Variants in MUC7 observed in about 807,000 individuals in gnomAD.
MUC7 encodes the protein mucin-7.
In MUC7, 2 loss-of-function variants were observed where a neutral mutation model predicts 2.5. That is an observed-to-expected ratio of 0.81 (90% CI 0.33 to 2.55). MUC7 has a LOEUF of 2.55. MUC7 is among the 30% of genes most tolerant of loss of function. The probability of loss-of-function intolerance (pLI) is 0.11; values close to 1 mark genes in which losing one functional copy is unlikely to be tolerated. For synonymous variants in MUC7, 133 were observed against 173.4 expected, an observed-to-expected ratio of 0.77 and a Z score of 1.83; for missense variants, 408 against 455.6, an observed-to-expected ratio of 0.90 and a Z score of 0.95.
At chr4:70,464,837 C>A (rs1291247166) in intron 1 of MUC7, among the ~76,000 whole-genome samples, 1 of 152,216 alleles carries the variant, frequency 6.6e-6, no homozygotes, top group East Asian at 1.9e-4. Flanking sequence ...CTGACTTAAA[C>A]CTTCCCGCCT....
intron 1 of MUC7, among the ~76,000 whole-genome samples, chr4:70,449,731 G>C (rs1351465931): frequency 1.3e-5 from 2 of 152,176 alleles, no homozygotes; most frequent in African/African-American, 4.8e-5. Flanking sequence ...TCTTGGACAA[G>C]ATCTGATAGA....
chr4:70,472,185 C>A (rs902922277), upstream of MUC7: 4 of 152,128 alleles, frequency 2.6e-5, no homozygotes, highest in Non-Finnish European at 5.9e-5. Context: ...CCTGAAAATT[C>A]TCTTGTGCTT....
At chr4:70,472,524 G>A (rs1356640771) in intron 1 of MUC7, among the ~76,000 whole-genome samples, 2 of 151,948 alleles carry the variant, frequency 1.3e-5, no homozygotes, top group Non-Finnish European at 2.9e-5. Flanking sequence ...TTAGGAACCT[G>A]AAGAATAATA....
chr4:70,481,070 C>T lies in MUC7; in HGVS notation c.326C>T (p.Thr109Ile). The change falls in exon 3 of 3, where the codon ACC becomes ATC. Residue 109 changes from threonine (T) to isoleucine (I), a missense_variant. By Grantham distance (89) the Thr-to-Ile change is moderately conservative. Around this residue, in one of 3 missense-constraint regions of MUC7, gnomAD observed 225 missense variants for 240.5 expected, o/e 0.94. Coordinates refer to ENST00000304887, the MANE Select transcript of MUC7 (RefSeq NM_152291.3). ...SVVNPTLVATTQIPSVTFPSA... is the reference protein window; with the variant it reads ...SVVNPTLVATIQIPSVTFPSA... Reference sequence around the variant, plus strand: ...GTCAACCCTACCTTAGTGGCTACAACCCAAATTCCATCTGTGACTTTCCCA... The same window carrying T: ...GTCAACCCTACCTTAGTGGCTACAATCCAAATTCCATCTGTGACTTTCCCA... The T allele has an allele frequency of 6.2e-7, 1 of 1,614,082 alleles. No homozygotes were observed. Among genetic ancestry groups the T allele is most frequent in the Non-Finnish European group, 8.5e-7 (1 of 1,180,008 alleles).
chr4:70,442,870 G>A (rs1279831728), intron 1 of MUC7, among the ~76,000 whole-genome samples: 1 of 152,192 alleles, frequency 6.6e-6, no homozygotes, highest in Non-Finnish European at 1.5e-5. Flanking sequence ...ACATCAGCAA[G>A]TACCTTCTTC....
intron 1 of MUC7, among the ~76,000 whole-genome samples, chr4:70,457,212 G>A (rs11941158): frequency 6.6e-6 from 1 of 152,098 alleles, no homozygotes; most frequent in Admixed American, 6.6e-5. Context: ...GGAAGCCAAG[G>A]GGGGAGGACT....
chr4:70,447,511 A>C (rs931688840), intron 1 of MUC7, among the ~76,000 whole-genome samples: 7 of 152,202 alleles, frequency 4.6e-5, no homozygotes, highest in African/African-American at 1.7e-4. Flanking sequence ...AATTCAGAGG[A>C]AAATCTTTTA....
At chr4:70,452,418 A>G (rs1431113587) in intron 1 of MUC7, among the ~76,000 whole-genome samples, 1 of 151,642 alleles carries the variant, frequency 6.6e-6, no homozygotes, top group African/African-American at 2.4e-5. Flanking sequence ...TTGTGTATCC[A>G]TTATATGTTT....
At chr4:70,434,019 G>T (rs1017563248) in intron 1 of MUC7, among the ~76,000 whole-genome samples, 1 of 152,036 alleles carries the variant, frequency 6.6e-6, no homozygotes, top group Non-Finnish European at 1.5e-5. Context: ...TTACATGATG[G>T]ATTACGTTTA....
At chr4:70,435,238 C>G (rs4604118) in intron 1 of MUC7, among the ~76,000 whole-genome samples, 5,693 of 152,232 alleles carry the variant, frequency 0.037, 165 homozygotes, top group Middle Eastern at 0.092. Context: ...TGGTCCAGAG[C>G]TGAGTTCAAG....
chr4:70,433,910 G>GT (rs1733749895), intron 1 of MUC7, among the ~76,000 whole-genome samples: 1 of 152,150 alleles, frequency 6.6e-6, no homozygotes, highest in Admixed American at 6.5e-5. Context: ...TCAATACCTA[G>GT]TTTACTGAGA....
At chr4:70,437,380 T>C (rs72852793) in intron 1 of MUC7, among the ~76,000 whole-genome samples, 2 of 152,194 alleles carry the variant, frequency 1.3e-5, no homozygotes, top group African/African-American at 4.8e-5. Flanking sequence ...TCCCTGCCTC[T>C]TTGTTTACAT....
chr4:70,468,936 C>T (rs573044056), upstream of MUC7, among the ~76,000 whole-genome samples: 11 of 152,276 alleles, frequency 7.2e-5, 1 homozygote, highest in African/African-American at 2.6e-4. Flanking sequence ...CAAAAAAGAA[C>T]CCGTATAGCC....
At chr4:70,476,232 G>C (rs1324290956) in intron 2 of MUC7, among the ~76,000 whole-genome samples, 1 of 152,172 alleles carries the variant, frequency 6.6e-6, no homozygotes, top group African/African-American at 2.4e-5. Flanking sequence ...TTCTGAATAT[G>C]CACAGTGATG....
Position 70,480,779 on chromosome 4 carries a change from A to C in MUC7, c.55-20A>C. On this transcript the variant is annotated intron_variant, in intron 2 of 2. Transcript: ENST00000304887. ...AATGGATACTTTTTTCATTTCTTAC[A>C]TTTTCTTTCTTTTCTGCAGTTCAGT... 1 of 1,601,540 alleles carries C rather than the reference A, an allele frequency of 6.2e-7. No homozygotes were observed. Among genetic ancestry groups the C allele is most frequent in the South Asian group, 1.1e-5 (1 of 89,958 alleles).
chr4:70,444,565 C>T (rs918360767), intron 1 of MUC7, among the ~76,000 whole-genome samples: 3 of 152,198 alleles, frequency 2.0e-5, no homozygotes, highest in Non-Finnish European at 2.9e-5. Flanking sequence ...CTGAAATGGT[C>T]GCTTCTGACA....
At position 70,463,348 on chromosome 4, in the gene MUC7, T is replaced by TA. The variant is rs1297117488; in HGVS notation, c.-92-8862dup. Among the ~76,000 whole-genome samples the TA allele has an allele frequency of 2.6e-5, 4 of 152,240 alleles. No homozygotes were observed. In the East Asian group the frequency reaches 7.7e-4, roughly 29 times the overall value. On this transcript the variant is annotated intron_variant, in intron 1 of 3. Transcript: ENST00000413702. ...AATCCATTGGGGCTGGGGGTCAACA[T>TA]AAAAAGCAGTTAGGCAAAAGCCTTT...
chr4:70,439,202 G>T (rs923089361), intron 1 of MUC7, among the ~76,000 whole-genome samples: 2 of 152,174 alleles, frequency 1.3e-5, no homozygotes, highest in Admixed American at 6.6e-5. Context: ...AAAAATAACA[G>T]CCAAGTGATG....
chr4:70,456,525 C>G (rs1577906035), intron 1 of MUC7, among the ~76,000 whole-genome samples: 1 of 152,134 alleles, frequency 6.6e-6, no homozygotes, highest in African/African-American at 2.4e-5. Context: ...GGAAGCAAGG[C>G]ACATCTTATA....
Sources: gnomAD v4.1 joint callset for allele counts (sites outside exome capture counted in the v4.1 genomes callset) on GRCh38, gnomAD v4.1.1 for gene constraint, gnomAD v4.1.1 regional missense constraint, MANE v1.5 for transcripts, NCBI Gene and HGNC (gene_info 2026-07-23, HGNC 2026-07-21) for gene names.